The following RAPGEF2 variants were observed in gnomAD, a reference collection of about 807,000 sequenced individuals.
The protein encoded by RAPGEF2 is Rap guanine nucleotide exchange factor 2.
Under a neutral mutation model 186.7 loss-of-function variants are expected in RAPGEF2, and 54 were observed. The ratio of observed to expected loss-of-function variants is 0.29; its 90% CI spans 0.23 to 0.36. RAPGEF2 has a LOEUF of 0.36. Among genes scored for constraint, RAPGEF2 ranks in the 10% least tolerant of loss-of-function variants. The pLI, the probability that RAPGEF2 is intolerant of heterozygous loss-of-function variation, is 1.00. For synonymous variants in RAPGEF2, 712 were observed against 705.9 expected (o/e 1.01, Z -0.14); for missense variants, 1,532 against 2,045.0 (o/e 0.75, Z 4.84).
intron 7 of RAPGEF2, among the ~76,000 whole-genome samples, chr4:159,261,346 G>T (rs528160418): frequency 2.0e-5 from 3 of 152,264 alleles, no homozygotes; most frequent in South Asian, 2.1e-4. Flanking sequence ...ACGGGCGTGA[G>T]CCACCGCATC....
At chr4:159,124,089 A>G (rs1022163229) in intron 1 of RAPGEF2, among the ~76,000 whole-genome samples, 4 of 149,764 alleles carry the variant, frequency 2.7e-5, no homozygotes, top group African/African-American at 7.4e-5. Context: ...TCCTGACCTC[A>G]GGTGATCTGC....
chr4:159,182,394 T>A (rs964795327), intron 1 of RAPGEF2, among the ~76,000 whole-genome samples: 46 of 137,172 alleles, frequency 3.4e-4, no homozygotes, highest in African/African-American at 1.2e-3. Context: ...TTCTTTTTTT[T>A]TTTTTTTTTT....
At chr4:159,264,573 T>A (rs1008085038) in intron 7 of RAPGEF2, among the ~76,000 whole-genome samples, 10 of 152,328 alleles carry the variant, frequency 6.6e-5, no homozygotes, top group African/African-American at 1.4e-4. Flanking sequence ...TTACTTTTTT[T>A]AAATTGTGAT....
intron 1 of RAPGEF2, among the ~76,000 whole-genome samples, chr4:159,107,463 T>G (rs551466918): frequency 6.6e-6 from 1 of 152,334 alleles, no homozygotes; most frequent in South Asian, 2.1e-4. Flanking sequence ...CATACCATTT[T>G]CAGTTTTTCA....
At chr4:159,242,713 G>A (rs983510735) in intron 6 of RAPGEF2, among the ~76,000 whole-genome samples, 1 of 91,318 alleles carries the variant, frequency 1.1e-5, no homozygotes, top group African/African-American at 5.3e-5. Context: ...TGTTACCATT[G>A]TCCATAAAAA....
Position 159,186,723 on chromosome 4 carries a change from TTAATATTC to T in RAPGEF2, c.140+12_140+19del. ...GGAGCATCAACTTAGGTATGTCATT[TTAATATTC>T]AGTTAATCATAGAATGGTAAAAATT... On this transcript the variant is annotated intron_variant, in intron 2 of 29. Coordinates refer to ENST00000691494, the MANE Select transcript of RAPGEF2 (RefSeq NM_001394067.2). 1 of 1,399,860 alleles carries T rather than the reference TTAATATTC, an allele frequency of 7.1e-7. No individual in the cohort carries two copies. Among genetic ancestry groups the T allele is most frequent in the Non-Finnish European group, 9.6e-7 (1 of 1,036,290 alleles). 86.7% of individuals were successfully genotyped at this position (1,399,860 alleles called of 1,614,324 possible).
At chr4:159,255,668 C>T (rs1756072792) in intron 7 of RAPGEF2, among the ~76,000 whole-genome samples, 1 of 152,074 alleles carries the variant, frequency 6.6e-6, no homozygotes, top group South Asian at 2.1e-4. Context: ...AAGGGGTCAC[C>T]ATAGGTTCTT....
At chr4:159,349,014 C>T (rs1730800001) in intron 25 of RAPGEF2, among the ~76,000 whole-genome samples, 1 of 152,158 alleles carries the variant, frequency 6.6e-6, no homozygotes, top group South Asian at 2.1e-4. Flanking sequence ...ACACAGCTTT[C>T]TCAGGCATAA....
At chr4:159,357,583 C>T (rs904563361) in intron 29 of RAPGEF2, among the ~76,000 whole-genome samples, 1 of 151,832 alleles carries the variant, frequency 6.6e-6, no homozygotes, top group Non-Finnish European at 1.5e-5. Flanking sequence ...ATTGGGAGGC[C>T]GAGGCAGGAG....
At chr4:159,173,682 T>C (rs889426952) in intron 1 of RAPGEF2, among the ~76,000 whole-genome samples, 1 of 152,152 alleles carries the variant, frequency 6.6e-6, no homozygotes, top group African/African-American at 2.4e-5. Context: ...AAATTGAAGA[T>C]AGTTCAGGAA....
At chr4:159,118,229 G>A (rs1425613694) in intron 1 of RAPGEF2, among the ~76,000 whole-genome samples, 1 of 152,060 alleles carries the variant, frequency 6.6e-6, no homozygotes, top group Non-Finnish European at 1.5e-5. Context: ...CAGATTAGCA[G>A]CAGCATTAGA....
At chr4:159,343,441 G>C (rs1465967636) in intron 22 of RAPGEF2, 37 bp downstream of exon 22, 2 of 1,599,630 alleles carry the variant, frequency 1.3e-6, no homozygotes, top group East Asian at 2.2e-5. Flanking sequence ...TGTGAGAGTA[G>C]AGAAGGTTAA....
chr4:159,107,745 GTAACTT>G (rs1404713698), intron 1 of RAPGEF2, among the ~76,000 whole-genome samples: 1 of 152,124 alleles, frequency 6.6e-6, no homozygotes, highest in Non-Finnish European at 1.5e-5. Flanking sequence ...GCTGAAAAAA[GTAACTT>G]TAGCTCAGAG....
At chr4:159,177,576 T>C (rs906843221) in intron 1 of RAPGEF2, among the ~76,000 whole-genome samples, 4 of 152,260 alleles carry the variant, frequency 2.6e-5, no homozygotes, top group Non-Finnish European at 5.9e-5. Context: ...GTATTCCTTT[T>C]ATTACATCTC....
intron 1 of RAPGEF2, among the ~76,000 whole-genome samples, chr4:159,173,003 A>G (rs183661518): frequency 3.9e-5 from 6 of 152,132 alleles, no homozygotes; most frequent in African/African-American, 1.4e-4. Context: ...CAGACCTAAA[A>G]TTTCTTTAGC....
chr4:159,326,789 T>C (rs1765987464), intron 11 of RAPGEF2: 1 of 152,396 alleles, frequency 6.6e-6, no homozygotes, highest in African/African-American at 2.4e-5. Flanking sequence ...TTTCTTTATT[T>C]CCTCTTTTAC....
chr4:159,116,971 T>C (rs2111081855), intron 1 of RAPGEF2, among the ~76,000 whole-genome samples: 1 of 152,228 alleles, frequency 6.6e-6, no homozygotes, highest in East Asian at 1.9e-4. Flanking sequence ...CAAACCACCA[T>C]GGCACACTGT....
At chr4:159,269,354 G>C (rs1051765924) in intron 7 of RAPGEF2, among the ~76,000 whole-genome samples, 3 of 151,974 alleles carry the variant, frequency 2.0e-5, no homozygotes, top group African/African-American at 7.3e-5. Context: ...ATGTTATGAC[G>C]CTGCACCGAG....
At chr4:159,283,449 TAGTTTTC>T (rs1760006079) in intron 7 of RAPGEF2, among the ~76,000 whole-genome samples, 1 of 152,212 alleles carries the variant, frequency 6.6e-6, no homozygotes, top group Admixed American at 6.5e-5. Context: ...GCATGGTTTT[TAGTTTTC>T]AGTTTAGTTA....
Sources: gnomAD v4.1 joint callset for allele counts (sites outside exome capture counted in the v4.1 genomes callset) on GRCh38, gnomAD v4.1.1 for gene constraint, MANE v1.5 for transcripts, NCBI Gene and HGNC (gene_info 2026-07-23, HGNC 2026-07-21) for gene names.